The following KIRREL3 variants were observed in gnomAD, a reference collection of about 807,000 sequenced individuals.
KIRREL3 encodes kin of IRRE-like protein 3.
KIRREL3 carries 36 observed loss-of-function variants against 89.7 expected under a neutral mutation model. That is an observed-to-expected ratio of 0.40 (90% CI 0.31 to 0.53). The LOEUF (loss-of-function observed/expected upper bound fraction) is 0.53. KIRREL3 is among the 20% of genes least tolerant of loss of function. The pLI is 0.49. For missense variants in KIRREL3, 864 were observed against 1,056.6 expected, an observed-to-expected ratio of 0.82 and a Z score of 2.53; for synonymous variants, 445 against 441.4, an observed-to-expected ratio of 1.01 and a Z score of -0.10.
chr11:126,662,906 C>CTTTTTTTTTTTTTTTT (rs756193928), intron 1 of KIRREL3, among the ~76,000 whole-genome samples: 2 of 91,896 alleles, frequency 2.2e-5, no homozygotes, highest in Admixed American at 1.3e-4. Flanking sequence ...AAAGTCCTTT[C>CTTTTTTTTTTTTTTTT]TTTTTTTTTT....
intron 3 of KIRREL3, among the ~76,000 whole-genome samples, chr11:126,524,380 G>A (rs974855226): frequency 6.6e-6 from 1 of 152,226 alleles, no homozygotes; most frequent in African/African-American, 2.4e-5. Context: ...AGAAGACAGA[G>A]TATCTGGACC....
At chr11:126,602,345 A>G (rs1434784066) in intron 1 of KIRREL3, among the ~76,000 whole-genome samples, 1 of 152,208 alleles carries the variant, frequency 6.6e-6, no homozygotes, top group Non-Finnish European at 1.5e-5. Context: ...CTCTTCTCCC[A>G]GAAGTCTGGC....
chr11:126,941,979 G>C (rs956776441), intron 1 of KIRREL3, among the ~76,000 whole-genome samples: 3 of 152,184 alleles, frequency 2.0e-5, no homozygotes, highest in Non-Finnish European at 4.4e-5. Context: ...AGTCTGAAAA[G>C]AACAAAGGAG....
In KIRREL3 at chr11:126,734,703, A is replaced by G. The variant is rs1948744301; in HGVS notation, c.56-171791T>C. ...AAATTTAGTATTCTATGTACTAGGA[A>G]TTACAGAAAGTGATAAAGGAGACTG... is the stretch of plus-strand genomic sequence containing the variant. On this transcript the variant is annotated intron_variant, in intron 1 of 16. Coordinates refer to ENST00000525144, the MANE Select transcript of KIRREL3 (RefSeq NM_032531.4). This position sits in a 1 kb window ranked among gnomAD's most constrained non-coding sequence, Gnocchi z 5.9. 6.6e-6 allele frequency among the ~76,000 whole-genome samples: 1 copy of G among 152,188 alleles called. No individual in the cohort carries two copies. Among genetic ancestry groups the G allele is most frequent in the East Asian group, 1.9e-4 (1 of 5,194 alleles).
At position 126,612,322 on chromosome 11, in the gene KIRREL3, A is replaced by T. The variant is rs1352137923; in HGVS notation, c.56-49410T>A. Among the ~76,000 whole-genome samples, 1 of 152,028 alleles carries T rather than the reference A, an allele frequency of 6.6e-6. No homozygotes were observed. Among genetic ancestry groups the T allele is most frequent in the Non-Finnish European group, 1.5e-5 (1 of 68,024 alleles). On this transcript the variant is annotated intron_variant, in intron 1 of 16. Transcript: ENST00000525144. This position sits in a 1 kb window ranked among gnomAD's most constrained non-coding sequence, Gnocchi z 4.5. ...CCCTCAGAATTTGAGTATTATATGGACACCCCTGGCATAGAATAAATGCTC... is the reference window on the plus strand; with the variant it reads ...CCCTCAGAATTTGAGTATTATATGGTCACCCCTGGCATAGAATAAATGCTC...
In KIRREL3 at chr11:126,440,497, C is replaced by T. The variant is rs767860959; in HGVS notation, c.1305G>A (p.Lys435=). 22 of 1,601,646 alleles carry T rather than the reference C, an allele frequency of 1.4e-5. No homozygotes were observed. The highest frequency in any genetic ancestry group is 2.7e-5 in the African/African-American group (2 of 74,762). The part of the protein sequence containing the change: ...TQTQHALHGE[K]GQIKCFIRST... ...TCCGGATGAAGCACTTGATCTGGCC[C>T]TTCTCGCCGTGGAGGGCGTGCTGGG... The change falls in exon 11 of 17, where the codon AAG becomes AAA. Residue 435 remains lysine, a synonymous_variant. Coordinates refer to ENST00000525144, the MANE Select transcript of KIRREL3 (RefSeq NM_032531.4).
rs1948811952 is a variant in KIRREL3, at chr11:126,736,682, T to C, written c.56-173770A>G. ...ACAGGCCAGCCCCCATGACAAGGAT[T>C]ATCCTACCCAAAACGTCATTCGTGC... is the stretch of plus-strand genomic sequence containing the variant. On this transcript the variant is annotated intron_variant, in intron 1 of 16. Coordinates refer to ENST00000525144, the MANE Select transcript of KIRREL3 (RefSeq NM_032531.4). This position sits in a 1 kb window ranked among gnomAD's most constrained non-coding sequence, Gnocchi z 5.0. Among the ~76,000 whole-genome samples, 1 of 152,160 alleles carries C rather than the reference T, an allele frequency of 6.6e-6. No homozygotes were observed. The highest frequency in any genetic ancestry group is 2.4e-5 in the African/African-American group (1 of 41,432).
rs915449855 is a variant in KIRREL3 at position 126,978,828 on chromosome 11, C to T, written c.55+21627G>A. 2.6e-5 allele frequency among the ~76,000 whole-genome samples: 4 copies of T among 152,196 alleles called. No homozygotes were observed. The highest frequency in any genetic ancestry group is 5.9e-5 in the Non-Finnish European group (4 of 68,030). On this transcript the variant is annotated intron_variant, in intron 1 of 16. Coordinates refer to ENST00000525144, the MANE Select transcript of KIRREL3 (RefSeq NM_032531.4). The surrounding 1 kb of genome is among the most constrained non-coding windows in gnomAD (Gnocchi z 4.2). ...ATGTGGATGTCCCCTGGGTCCCTAC[C>T]TCTCTGCACCCGGGATGCTTATTCT... is the stretch of plus-strand genomic sequence containing the variant.
intron 15 of KIRREL3, among the ~76,000 whole-genome samples, 196 bp from the exon 16 acceptor site, chr11:126,425,920 T>G (rs1359498197): frequency 6.6e-6 from 1 of 150,532 alleles, no homozygotes; most frequent in African/African-American, 2.5e-5. Flanking sequence ...TTGAGGGGGG[T>G]GGGTGAGTAG....
intron 1 of KIRREL3, among the ~76,000 whole-genome samples, chr11:126,743,704 C>T (rs1949051632): frequency 6.6e-6 from 1 of 152,178 alleles, no homozygotes; most frequent in African/African-American, 2.4e-5. Flanking sequence ...TTGATCTCAT[C>T]TCTAATATGG....
intron 1 of KIRREL3, among the ~76,000 whole-genome samples, chr11:126,810,897 T>TAAGCC (rs1048976076): frequency 1.2e-4 from 18 of 152,158 alleles, no homozygotes; most frequent in Non-Finnish European, 1.6e-4. Flanking sequence ...GAGGTTGTCT[T>TAAGCC]AAGCCCCTCA....
intron 1 of KIRREL3, among the ~76,000 whole-genome samples, chr11:126,926,918 A>G (rs921678461): frequency 3.3e-5 from 5 of 152,192 alleles, no homozygotes; most frequent in Non-Finnish European, 7.3e-5. Flanking sequence ...AAAGCAGATT[A>G]TTACCCCGAG....
chr11:126,779,388 G>A (rs1251168015), intron 1 of KIRREL3, among the ~76,000 whole-genome samples: 1 of 152,114 alleles, frequency 6.6e-6, no homozygotes, highest in African/African-American at 2.4e-5. Context: ...CCTGAAACCT[G>A]TTGTCTCCCT....
At chr11:126,625,742 C>A (rs1461635284) in intron 1 of KIRREL3, among the ~76,000 whole-genome samples, 1 of 152,148 alleles carries the variant, frequency 6.6e-6, no homozygotes, top group Non-Finnish European at 1.5e-5. Context: ...ATCTTTCCCC[C>A]ACCTGCTGCC....
rs976338784 is a variant in KIRREL3 at position 126,541,388 on chromosome 11, C to T, written c.134-14701G>A. Among the ~76,000 whole-genome samples the T allele has an allele frequency of 6.6e-6, 1 of 152,030 alleles. No homozygotes were observed. The highest frequency in any genetic ancestry group is 2.4e-5 in the African/African-American group (1 of 41,374). On this transcript the variant is annotated intron_variant, in intron 2 of 16. Transcript: ENST00000525144. The surrounding 1 kb of genome is among the most constrained non-coding windows in gnomAD (Gnocchi z 4.8). ...CTTGATGTTCTAACTTATCCAAAATCCTATTTCGGGGGTGGGGGGTGGTCC... is the reference window on the plus strand; with the variant it reads ...CTTGATGTTCTAACTTATCCAAAATTCTATTTCGGGGGTGGGGGGTGGTCC...
At chr11:126,801,830 G>A (rs1951044200) in intron 1 of KIRREL3, among the ~76,000 whole-genome samples, 1 of 152,170 alleles carries the variant, frequency 6.6e-6, no homozygotes, top group African/African-American at 2.4e-5. Context: ...TAACTACTTG[G>A]AGGATGAGGC....
intron 1 of KIRREL3, among the ~76,000 whole-genome samples, chr11:126,701,000 A>G (rs1398395108): frequency 6.6e-6 from 1 of 152,254 alleles, no homozygotes; most frequent in African/African-American, 2.4e-5. Context: ...AAGCCAGCCC[A>G]GTAGCCCATT....
At position 126,748,472 on chromosome 11, in the gene KIRREL3, C is replaced by T. The variant is rs2134238577; in HGVS notation, c.56-185560G>A. ...GAGCTTGCCTACGGCGAGAATTATT[C>T]CCAGCAGGCGTTTCAGGCCATCTCT... is the stretch of plus-strand genomic sequence containing the variant. On this transcript the variant is annotated intron_variant, in intron 1 of 16. Transcript: ENST00000525144. This position sits in a 1 kb window ranked among gnomAD's most constrained non-coding sequence, Gnocchi z 4.6. 6.6e-6 allele frequency among the ~76,000 whole-genome samples: 1 copy of T among 152,338 alleles called. No homozygotes were observed. The highest frequency in any genetic ancestry group is 1.9e-4 in the East Asian group (1 of 5,184).
chr11:126,789,136 T>G (rs1048788690), intron 1 of KIRREL3, among the ~76,000 whole-genome samples: 10 of 152,170 alleles, frequency 6.6e-5, no homozygotes, highest in African/African-American at 2.4e-4. Context: ...TTCATCACCT[T>G]TGCTTCCCCA....
Sources: allele counts gnomAD v4.1 joint callset (sites outside exome capture counted in the v4.1 genomes callset), GRCh38; gene constraint gnomAD v4.1.1; non-coding constraint Gnocchi (gnomAD v3.1); transcripts MANE v1.5; gene names NCBI Gene and HGNC (gene_info 2026-07-23, HGNC 2026-07-21).